The following ZNF782 variants were observed in gnomAD, a reference collection of about 807,000 sequenced individuals.
ZNF782 encodes the protein zinc finger protein 782.
ZNF782 carries 12 observed loss-of-function variants against 13.0 expected under a neutral mutation model. The observed-to-expected ratio is 0.92, with a 90% CI of 0.59 to 1.50. ZNF782 has a LOEUF of 1.50. Ranked by LOEUF, ZNF782 falls within the 40% of genes most tolerant of loss-of-function variation. The probability of loss-of-function intolerance (pLI) is 0.00; values close to 1 mark genes in which losing one functional copy is unlikely to be tolerated. For missense variants in ZNF782, 770 were observed against 822.9 expected (o/e 0.94, Z 0.79); for synonymous variants, 284 against 283.0 (o/e 1.00, Z -0.04).
the ZNF782 span, among the ~76,000 whole-genome samples, chr9:96,913,072 T>C: frequency 7.3e-5 from 11 of 150,904 alleles, no homozygotes; most frequent in African/African-American, 2.4e-4. Context: ...CCAGCTCTCT[T>C]GGGAGGCTGA....
the ZNF782 span, chr9:96,892,623 C>G: frequency 6.6e-6 from 1 of 152,226 alleles, no homozygotes; most frequent in South Asian, 2.1e-4. Flanking sequence ...TTCACACTCT[C>G]TTCCTCCTCC....
intron 1 of ZNF782, among the ~76,000 whole-genome samples, chr9:96,861,873 T>C (rs1456049755): frequency 2.0e-5 from 3 of 152,116 alleles, no homozygotes; most frequent in Non-Finnish European, 2.9e-5. Flanking sequence ...AAACTAAAAA[T>C]AGAGCTACCA....
the ZNF782 span, chr9:96,891,786 C>T: frequency 6.6e-6 from 1 of 152,074 alleles, no homozygotes; most frequent in Non-Finnish European, 1.5e-5. Flanking sequence ...CTTGGTGATC[C>T]ACCCGCCTCG....
chr9:96,919,712 T>C, the ZNF782 span, among the ~76,000 whole-genome samples: 526 of 145,858 alleles, frequency 3.6e-3, 5 homozygotes, highest in East Asian at 0.013. Context: ...TAAAGGCGTG[T>C]ACCACTACGC....
chr9:96,869,167 T>TTAACA (rs1173083502), intron 1 of ZNF782, among the ~76,000 whole-genome samples: 1 of 152,102 alleles, frequency 6.6e-6, no homozygotes, highest in African/African-American at 2.4e-5. Context: ...AGCTTCAAAA[T>TTAACA]TAACATACTG....
At position 96,852,015 on chromosome 9, in the gene ZNF782, C is replaced by A; in HGVS notation, c.-44-10G>T. 6.3e-6 allele frequency: 10 copies of A among 1,581,474 alleles called. No homozygotes were observed. The highest frequency in any genetic ancestry group is 7.8e-6 in the Non-Finnish European group (9 of 1,150,934). ...AACTGTAAAGCCTCAGCTGGGGGGA[C>A]AGAAAGAGGATGTCACACGGTCTCG... On this transcript the variant is annotated splice_polypyrimidine_tract_variant and intron_variant, in intron 2 of 5. Transcript: ENST00000481138.
At chr9:96,920,546 G>A in the ZNF782 span, among the ~76,000 whole-genome samples, 5 of 149,102 alleles carry the variant, frequency 3.4e-5, no homozygotes, top group South Asian at 4.3e-4. Context: ...GATTACAGGC[G>A]TGAGCCACCG....
rs775303013 is a variant in ZNF782, at chr9:96,845,003, A to T, written c.29T>A (p.Phe10Tyr). The T allele has an allele frequency of 1.9e-6, 3 of 1,613,990 alleles. No individual in the cohort carries two copies. Among genetic ancestry groups the T allele is most frequent in the Non-Finnish European group, 2.5e-6 (3 of 1,179,914 alleles). Residue 10 changes from phenylalanine (F) to tyrosine (Y), a missense_variant, in exon 4 of 6, where the codon TTC becomes TAC. Physicochemically the swap from Phe to Tyr is conservative, Grantham distance 22 (BLOSUM62 3). Coordinates refer to ENST00000481138, the MANE Select transcript of ZNF782 (RefSeq NM_001001662.3). MNTFQASVS[F>Y]QDVTVEFSQE... ...GCTGAATTCCACAGTCACGTCCTGG[A>T]ATGACACTGATGCCTGTAACAGCGC...
At chr9:96,903,585 C>CA in the ZNF782 span, among the ~76,000 whole-genome samples, 1 of 79,086 alleles carries the variant, frequency 1.3e-5, no homozygotes, top group African/African-American at 5.0e-5. Flanking sequence ...TTTTTTGAGA[C>CA]AGAGTCTAGC....
At position 96,818,754 on chromosome 9, in the gene ZNF782, T is replaced by C. The variant is rs747423492; in HGVS notation, c.1269A>G (p.Lys423=). The C allele has an allele frequency of 6.2e-7, 1 of 1,613,986 alleles. No individual in the cohort carries two copies. The highest frequency in any genetic ancestry group is 8.5e-7 in the Non-Finnish European group (1 of 1,179,986). Residue 423 remains lysine (K), a synonymous_variant, in exon 6 of 6, where the codon AAA becomes AAG. Coordinates refer to ENST00000481138, the MANE Select transcript of ZNF782 (RefSeq NM_001001662.3). The part of the protein sequence containing the change: ...QRTHTGEKPY[K]CDGCDKAFSA... ...TGAAAGCTTTATCACATCCATCACA[T>C]TTGTATGGTTTCTCTCCCGTGTGAG...
intron 4 of ZNF782, among the ~76,000 whole-genome samples, chr9:96,829,902 A>C (rs1310663006): frequency 1.3e-5 from 2 of 152,196 alleles, no homozygotes; most frequent in African/African-American, 4.8e-5. Context: ...AAAACTATGG[A>C]TATTATATAT....
the ZNF782 span, among the ~76,000 whole-genome samples, chr9:96,900,936 G>C: frequency 7.0e-6 from 1 of 142,788 alleles, no homozygotes; most frequent in African/African-American, 3.0e-5. Flanking sequence ...CATGAGGTCA[G>C]GGGTCATGAG....
the ZNF782 span, among the ~76,000 whole-genome samples, chr9:96,903,913 T>C: frequency 2.0e-5 from 3 of 151,936 alleles, no homozygotes; most frequent in African/African-American, 4.9e-5. Context: ...TGGTGGGTCA[T>C]ATAGTAAGTA....
chr9:96,848,800 C>A (rs1851412373), intron 3 of ZNF782, among the ~76,000 whole-genome samples: 1 of 152,096 alleles, frequency 6.6e-6, no homozygotes, highest in Admixed American at 6.6e-5. Context: ...ATACCAACAT[C>A]TTTTACATAA....
intron 5 of ZNF782, among the ~76,000 whole-genome samples, chr9:96,825,088 G>A (rs1350073328): frequency 7.9e-5 from 12 of 151,834 alleles, no homozygotes; most frequent in Admixed American, 1.3e-4. Context: ...AAAAGAGCCC[G>A]CATCGCCAAG....
chr9:96,921,097 T>C, the ZNF782 span, among the ~76,000 whole-genome samples: 1 of 147,128 alleles, frequency 6.8e-6, no homozygotes, highest in Non-Finnish European at 1.5e-5. Flanking sequence ...ACTTGTAGCA[T>C]ATGTAAAGTT....
chr9:96,818,907 C>T lies in ZNF782; in HGVS notation c.1116G>A (p.Gly372=), dbSNP rs374007296. The T allele has an allele frequency of 2.4e-4, 392 of 1,614,082 alleles. No homozygotes were observed. The highest frequency in any genetic ancestry group is 2.0e-4 in the Non-Finnish European group (240 of 1,180,044). The change falls in exon 6 of 6, where the codon GGG becomes GGA. Residue 372 remains glycine, a synonymous_variant. Transcript: ENST00000481138. ...RAKPYEYNEC[G]KSCSMNSHLI... ...AGTGTGAATTCATAGAGCAGGATTT[C>T]CCACATTCATTATACTCATAGGGTT...
chr9:96,905,150 G>C, the ZNF782 span, among the ~76,000 whole-genome samples: 1 of 132,888 alleles, frequency 7.5e-6, no homozygotes. Context: ...CAGGAGGTTG[G>C]GCATTCTGAG....
At chr9:96,835,867 G>C (rs1850976582) in intron 4 of ZNF782, among the ~76,000 whole-genome samples, 1 of 152,232 alleles carries the variant, frequency 6.6e-6, no homozygotes, top group Non-Finnish European at 1.5e-5. Flanking sequence ...ATTTGGGTTA[G>C]GTCTACTGCA....
Sources: allele counts gnomAD v4.1 joint callset (sites outside exome capture counted in the v4.1 genomes callset), GRCh38; gene constraint gnomAD v4.1.1; transcripts MANE v1.5; gene names NCBI Gene and HGNC (gene_info 2026-07-23, HGNC 2026-07-21).